ME3: variants seen among roughly 807,000 people sequenced by gnomAD.
ME3 encodes the protein NADP-dependent malic enzyme, mitochondrial.
ME3 carries 48 observed loss-of-function variants against 68.9 expected under a neutral mutation model. The observed-to-expected ratio is 0.70, with a 90% confidence interval of 0.55 to 0.89. ME3 has a LOEUF of 0.89. ME3 is among the 40% of genes least tolerant of loss of function. The pLI, the probability that ME3 is intolerant of heterozygous loss-of-function variation, is 0.00. For missense variants in ME3, 675 were observed against 797.4 expected (o/e 0.85, Z 1.85); for synonymous variants, 320 against 318.8 (o/e 1.00, Z -0.04).
rs936664855 is a variant in ME3 at position 86,542,416 on chromosome 11, T to G, written c.467+14137A>C. On this transcript the variant is annotated intron_variant, in intron 4 of 14. Transcript: ENST00000543262. ...GGAAGCTAAGAACCTTGAAAAAAAGTTAGAGGAATTGCTAACTAGAATAAC... is the reference window on the plus strand; with the variant it reads ...GGAAGCTAAGAACCTTGAAAAAAAGGTAGAGGAATTGCTAACTAGAATAAC... Among the ~76,000 whole-genome samples, 3 of 151,278 alleles carry G rather than the reference T, an allele frequency of 2.0e-5. No individual in the cohort carries two copies. The East Asian group carries it at 5.9e-4, about 30-fold the overall frequency.
intron 7 of ME3, among the ~76,000 whole-genome samples, chr11:86,485,056 G>T (rs775885216): frequency 2.8e-4 from 43 of 152,184 alleles, no homozygotes; most frequent in Non-Finnish European, 5.6e-4. Flanking sequence ...AACTCTTTCT[G>T]TGACAGGGAA....
chr11:86,607,537 G>C (rs1162952024), intron 2 of ME3, among the ~76,000 whole-genome samples: 1 of 150,410 alleles, frequency 6.6e-6, no homozygotes, highest in Non-Finnish European at 1.5e-5. Flanking sequence ...GGCAAACTAG[G>C]AGAGTAAGTC....
chr11:86,539,600 C>T (rs923739445), intron 4 of ME3, among the ~76,000 whole-genome samples: 1 of 152,154 alleles, frequency 6.6e-6, no homozygotes, highest in African/African-American at 2.4e-5. Context: ...TGCTCTTTCT[C>T]TGGTAGGTGC....
chr11:86,544,600 T>G (rs1956251000), intron 4 of ME3, among the ~76,000 whole-genome samples: 1 of 152,120 alleles, frequency 6.6e-6, no homozygotes, highest in Non-Finnish European at 1.5e-5. Flanking sequence ...CTCCCAAGAC[T>G]AAACCAGGAA....
At position 86,607,769 on chromosome 11, in the gene ME3, G is replaced by A. The variant is rs1269781052; in HGVS notation, c.184-47946C>T. Among the ~76,000 whole-genome samples, 7 of 151,182 alleles carry A rather than the reference G, an allele frequency of 4.6e-5. 1 individual carries two copies. The East Asian group carries it at 9.7e-4, about 21-fold the overall frequency. On this transcript the variant is annotated intron_variant, in intron 2 of 14. Transcript: ENST00000543262. ...TTTACATTGAGCAAAAGTTGATCTC[G>A]CAGTGAACTCTCTTATACGTCCTTG...
In ME3 at chr11:86,618,654, G is replaced by C. The variant is rs112037813; in HGVS notation, c.183+53108C>G. 2.4e-3 allele frequency among the ~76,000 whole-genome samples: 372 copies of C among 152,124 alleles called. 2 individuals are homozygous for C. Among genetic ancestry groups the C allele is most frequent in the Middle Eastern group, 0.01 (3 of 294 alleles). On this transcript the variant is annotated intron_variant, in intron 2 of 14. Transcript: ENST00000543262. ...CCTGGTGCCAGGTGTTTAGCTTATG[G>C]GGGCAGATCCCTCATGGTTTGGTGC...
rs374579364 is a variant in ME3, at chr11:86,551,337, AC to A, written c.467+5215del. Reference sequence around the variant, plus strand: ...CATGGTATTTAGATAAGGGGGCTGAACCACTACCTCTGACTCCAGCCCAAGT... The same window carrying A: ...CATGGTATTTAGATAAGGGGGCTGAACACTACCTCTGACTCCAGCCCAAGT... On this transcript the variant is annotated intron_variant, in intron 4 of 14. Transcript: ENST00000543262. 2.1e-3 allele frequency among the ~76,000 whole-genome samples: 317 copies of A among 152,162 alleles called. 1 individual carries two copies. The highest frequency in any genetic ancestry group is 7.3e-3 in the African/African-American group (305 of 41,522).
chr11:86,467,192 A>G (rs1198620113), intron 7 of ME3, among the ~76,000 whole-genome samples: 1 of 152,250 alleles, frequency 6.6e-6, no homozygotes, highest in East Asian at 1.9e-4. Context: ...CTCAAGATCT[A>G]CTTTCTTAGT....
At chr11:86,665,767 T>A (rs919851763) in intron 2 of ME3, among the ~76,000 whole-genome samples, 7 of 152,190 alleles carry the variant, frequency 4.6e-5, no homozygotes, top group Non-Finnish European at 1.0e-4. Context: ...GAACAGGGGC[T>A]GGATTCCAGA....
In ME3 at chr11:86,576,394, A is replaced by C. The variant is rs75377997; in HGVS notation, c.184-16571T>G. Among the ~76,000 whole-genome samples the C allele has an allele frequency of 3.6e-3, 546 of 152,270 alleles. 4 individuals are homozygous for C. The highest frequency in any genetic ancestry group is 0.013 in the African/African-American group (520 of 41,556). On this transcript the variant is annotated intron_variant, in intron 2 of 14. Transcript: ENST00000543262. Reference sequence around the variant, plus strand: ...TGGAGGCGAGAGGAGGTCAAGGTGGAGAGAGGAACAGTGTCCATCCCCAGC... The same window carrying C: ...TGGAGGCGAGAGGAGGTCAAGGTGGCGAGAGGAACAGTGTCCATCCCCAGC...
chr11:86,483,154 C>A (rs1402762548), intron 7 of ME3, among the ~76,000 whole-genome samples: 1 of 152,192 alleles, frequency 6.6e-6, no homozygotes, highest in Non-Finnish European at 1.5e-5. Flanking sequence ...GTAGAGACAT[C>A]TAGTCATTTT....
intron 11 of ME3, 94 bp downstream of exon 11, chr11:86,448,056 G>T (rs1949421404): frequency 1.2e-6 from 1 of 824,950 alleles, no homozygotes; most frequent in Non-Finnish European, 2.0e-6. Context: ...TGTTTCCATG[G>T]GTTACTTAGG....
In ME3 at chr11:86,446,352, G is replaced by A. The variant is rs559249904; in HGVS notation, c.1516C>T (p.Arg506Trp). Residue 506 changes from arginine to tryptophan, a missense_variant, in exon 13 of 15, where the codon CGG becomes TGG. Coordinates refer to ENST00000543262, the Ensembl canonical transcript of ME3. Reference sequence around the variant, plus strand: ...AGGAAGATCTCATCTGGGATGTGCCGGATCCCGCCGGCGATGACTCCCAGT... The same window carrying A: ...AGGAAGATCTCATCTGGGATGTGCCAGATCCCGCCGGCGATGACTCCCAGT... 8.7e-6 allele frequency: 14 copies of A among 1,614,144 alleles called. No homozygotes were observed. In the Admixed American group the frequency reaches 1.3e-4, roughly 15 times the overall value.
chr11:86,633,207 AAG>A (rs926360043), intron 2 of ME3, among the ~76,000 whole-genome samples: 10 of 152,190 alleles, frequency 6.6e-5, no homozygotes, highest in Non-Finnish European at 1.2e-4. Context: ...ATTGACCCAC[AAG>A]AGAGATGTGA....
chr11:86,630,277 T>C (rs1303980964), intron 2 of ME3, among the ~76,000 whole-genome samples: 2 of 152,198 alleles, frequency 1.3e-5, no homozygotes, highest in African/African-American at 2.4e-5. Flanking sequence ...TTTCTGGTCA[T>C]GAGGCCCTGA....
At chr11:86,445,320 C>T (rs2138592850) in intron 13 of ME3, among the ~76,000 whole-genome samples, 1 of 152,268 alleles carries the variant, frequency 6.6e-6, no homozygotes, top group Admixed American at 6.5e-5. Flanking sequence ...CCTTGGAGAG[C>T]CAGGGCTCAA....
chr11:86,565,515 A>G (rs1054862104), intron 2 of ME3, among the ~76,000 whole-genome samples: 5 of 152,252 alleles, frequency 3.3e-5, no homozygotes, highest in Admixed American at 2.0e-4. Context: ...AACAAAATGT[A>G]TATACATGCA....
chr11:86,618,032 G>T (rs1039086172), intron 2 of ME3, among the ~76,000 whole-genome samples: 3 of 152,088 alleles, frequency 2.0e-5, no homozygotes, highest in Admixed American at 1.3e-4. Context: ...TCATGGCTGG[G>T]CACAGTGGCT....
intron 7 of ME3, among the ~76,000 whole-genome samples, chr11:86,477,522 C>A (rs997278725): frequency 6.6e-6 from 1 of 152,126 alleles, no homozygotes; most frequent in Non-Finnish European, 1.5e-5. Flanking sequence ...CCCTGCTCCC[C>A]GCCACCCATA....
Sources: allele counts gnomAD v4.1 joint callset (sites outside exome capture counted in the v4.1 genomes callset), GRCh38; gene constraint gnomAD v4.1.1; transcripts MANE v1.5; gene names NCBI Gene and HGNC (gene_info 2026-07-23, HGNC 2026-07-21).